FAF1: variants seen among roughly 807,000 people sequenced by gnomAD.
FAF1 encodes the protein Fas associated factor 1, also known as FAS-associated factor 1.
A neutral mutation model predicts 92.5 loss-of-function variants in FAF1; 25 were observed. The observed-to-expected ratio is 0.27, with a 90% CI of 0.20 to 0.38. The LOEUF (loss-of-function observed/expected upper bound fraction) is 0.38. Ranked by LOEUF, FAF1 falls within the 10% of genes least tolerant of loss-of-function variation. The pLI, the probability that FAF1 is intolerant of heterozygous loss-of-function variation, is 1.00. For missense variants in FAF1, 636 were observed against 793.3 expected (o/e 0.80, Z 2.38); for synonymous variants, 234 against 273.2 (o/e 0.86, Z 1.42).
intron 1 of FAF1, among the ~76,000 whole-genome samples, chr1:50,882,041 T>TA (rs1203521008): frequency 1.3e-5 from 2 of 152,136 alleles, no homozygotes; most frequent in South Asian, 2.1e-4. Flanking sequence ...AACAATGCTT[T>TA]AAAAAACAGT....
chr1:50,518,992 T>G (rs1385043612), intron 15 of FAF1, among the ~76,000 whole-genome samples: 2 of 152,126 alleles, frequency 1.3e-5, no homozygotes, highest in Non-Finnish European at 2.9e-5. Context: ...ATTTCTTCAG[T>G]GAAACAACAG....
chr1:50,645,004 A>C (rs189688720), intron 8 of FAF1, among the ~76,000 whole-genome samples: 4 of 152,030 alleles, frequency 2.6e-5, no homozygotes, highest in Middle Eastern at 3.4e-3. Context: ...AATTCATTTC[A>C]CAACTTTTCT....
chr1:50,473,864 A>G (rs764020460), intron 18 of FAF1, among the ~76,000 whole-genome samples: 2 of 152,192 alleles, frequency 1.3e-5, no homozygotes, highest in Non-Finnish European at 2.9e-5. Flanking sequence ...TGAGGGACTT[A>G]GATGTACCTT....
At chr1:50,736,314 G>A (rs1659135226) in intron 6 of FAF1, among the ~76,000 whole-genome samples, 1 of 152,076 alleles carries the variant, frequency 6.6e-6, no homozygotes, top group Non-Finnish European at 1.5e-5. Flanking sequence ...TCCATCAATT[G>A]TAACAAAATT....
chr1:50,881,311 T>G, intron 1 of FAF1, among the ~76,000 whole-genome samples: 1 of 152,180 alleles, frequency 6.6e-6, no homozygotes, highest in East Asian at 1.9e-4. Context: ...CTACTGAACT[T>G]CTCTGGCACA....
At chr1:50,864,235 C>A (rs1294764193) in intron 1 of FAF1, among the ~76,000 whole-genome samples, 1 of 148,788 alleles carries the variant, frequency 6.7e-6, no homozygotes, top group Admixed American at 6.7e-5. Context: ...TTATTTCTTG[C>A]CTTCTGCTAG....
At chr1:50,628,584 A>C (rs1180711665) in intron 8 of FAF1, among the ~76,000 whole-genome samples, 1 of 152,246 alleles carries the variant, frequency 6.6e-6, no homozygotes, top group Non-Finnish European at 1.5e-5. Flanking sequence ...CTAGAAGGAC[A>C]ATACCTTCTC....
At chr1:50,461,493 C>G (rs2148988871) in intron 18 of FAF1, 1 of 152,270 alleles carries the variant, frequency 6.6e-6, no homozygotes, top group Middle Eastern at 3.4e-3. Flanking sequence ...TGTGCTAGAC[C>G]TGTGTAAGTA....
chr1:50,516,768 A>C (rs1368885306), intron 15 of FAF1, among the ~76,000 whole-genome samples: 1 of 152,228 alleles, frequency 6.6e-6, no homozygotes, highest in African/African-American at 2.4e-5. Context: ...ATCTACAGCT[A>C]TACATTCAAA....
At chr1:50,510,172 A>G (rs971576014) in intron 15 of FAF1, among the ~76,000 whole-genome samples, 16 of 152,066 alleles carry the variant, frequency 1.1e-4, no homozygotes, top group Admixed American at 3.9e-4. Flanking sequence ...TCTCAAAAAA[A>G]AAAAAAAAAA....
intron 18 of FAF1, among the ~76,000 whole-genome samples, chr1:50,444,262 A>G (rs1460479646): frequency 6.6e-6 from 1 of 152,242 alleles, no homozygotes; most frequent in Non-Finnish European, 1.5e-5. Context: ...GACATGGAGC[A>G]TGCCAGGAGG....
chr1:50,487,078 C>T (rs1646777786), intron 17 of FAF1, among the ~76,000 whole-genome samples: 1 of 152,110 alleles, frequency 6.6e-6, no homozygotes, highest in Non-Finnish European at 1.5e-5. Context: ...TTGCCATTGT[C>T]ACACATAACT....
rs180834373 is a variant in FAF1, at chr1:50,528,323, G to A, written c.1494+7046C>T. On this transcript the variant is annotated intron_variant, in intron 15 of 18. Transcript: ENST00000396153. ...TGCATCTTCTCTGCTTTTAGCAATAGATTTTTTACTTTAGTGATATTATTT... is the reference window on the plus strand; with the variant it reads ...TGCATCTTCTCTGCTTTTAGCAATAAATTTTTTACTTTAGTGATATTATTT... 3.5e-4 allele frequency among the ~76,000 whole-genome samples: 54 copies of A among 152,180 alleles called. 4 individuals are homozygous for A. The highest frequency in any genetic ancestry group is 1.3e-3 in the African/African-American group (53 of 41,508).
intron 5 of FAF1, among the ~76,000 whole-genome samples, chr1:50,740,013 C>T (rs75378640): frequency 0.01 from 1,223 of 122,000 alleles, 14 homozygotes; most frequent in African/African-American, 0.047. Context: ...CATCATAAGC[C>T]AGGAAATGCA....
chr1:50,855,407 T>A (rs1334173143), intron 2 of FAF1, among the ~76,000 whole-genome samples: 1 of 151,698 alleles, frequency 6.6e-6, no homozygotes, highest in African/African-American at 2.4e-5. Flanking sequence ...CTAGCAAAAA[T>A]GTGCACAAAA....
At chr1:50,657,499 C>T (rs180866247) in intron 7 of FAF1, among the ~76,000 whole-genome samples, 19 of 151,958 alleles carry the variant, frequency 1.3e-4, no homozygotes, top group Admixed American at 4.6e-4. Context: ...CAGATAGAGG[C>T]AGCAATGAGC....
chr1:50,527,014 C>T (rs1431135931), intron 15 of FAF1, among the ~76,000 whole-genome samples: 1 of 151,996 alleles, frequency 6.6e-6, no homozygotes, highest in African/African-American at 2.4e-5. Flanking sequence ...GCCACCATGC[C>T]CAGCAAAGAT....
At chr1:50,645,441 A>G (rs969518508) in intron 8 of FAF1, among the ~76,000 whole-genome samples, 5 of 152,246 alleles carry the variant, frequency 3.3e-5, no homozygotes, top group African/African-American at 1.2e-4. Flanking sequence ...CAGACAGTAG[A>G]TATTTCAGGT....
At chr1:50,769,920 C>T (rs1452329062) in intron 4 of FAF1, among the ~76,000 whole-genome samples, 1 of 151,922 alleles carries the variant, frequency 6.6e-6, no homozygotes, top group Non-Finnish European at 1.5e-5. Context: ...GCGTGGTGGC[C>T]CATGCCTATA....
Sources: allele counts gnomAD v4.1 joint callset (sites outside exome capture counted in the v4.1 genomes callset), GRCh38; gene constraint gnomAD v4.1.1; transcripts MANE v1.5; gene names NCBI Gene and HGNC (gene_info 2026-07-23, HGNC 2026-07-21).